Variants in DPYD observed in about 807,000 individuals in gnomAD.
The protein encoded by DPYD is dihydropyrimidine dehydrogenase.
In DPYD, 109 loss-of-function variants were observed where a neutral mutation model predicts 116.2. The ratio of observed to expected loss-of-function variants is 0.94; its 90% CI spans 0.80 to 1.10. DPYD has a LOEUF of 1.10. Ranked by LOEUF, DPYD falls within the 50% of genes least tolerant of loss-of-function variation. The pLI is 0.00. For missense variants in DPYD, 1,302 were observed against 1,254.5 expected, an observed-to-expected ratio of 1.04 and a Z score of -0.57; for synonymous variants, 440 against 432.0, an observed-to-expected ratio of 1.02 and a Z score of -0.23.
At chr1:97,226,279 TCA>T (rs1256760586) in intron 19 of DPYD, among the ~76,000 whole-genome samples, 2 of 152,120 alleles carry the variant, frequency 1.3e-5, no homozygotes, top group African/African-American at 2.4e-5. Flanking sequence ...GCAGCTAACA[TCA>T]CAGTCAATAG....
intron 13 of DPYD, among the ~76,000 whole-genome samples, chr1:97,469,397 CAA>C (rs59090402): frequency 5.9e-4 from 48 of 80,782 alleles, no homozygotes; most frequent in African/African-American, 2.5e-3. Context: ...GCTAAAATTG[CAA>C]AAAAAAAAAA....
chr1:97,489,691 T>C (rs76838278), intron 13 of DPYD, among the ~76,000 whole-genome samples: 166 of 152,334 alleles, frequency 1.1e-3, no homozygotes, highest in African/African-American at 3.7e-3. Context: ...AAAGTTTTAC[T>C]TCTGTTACAT....
At chr1:97,660,380 A>G (rs1213257665) in intron 8 of DPYD, among the ~76,000 whole-genome samples, 1 of 152,166 alleles carries the variant, frequency 6.6e-6, no homozygotes, top group Non-Finnish European at 1.5e-5. Context: ...CAATAAAACT[A>G]ATGTTCAATA....
intron 16 of DPYD, among the ~76,000 whole-genome samples, chr1:97,369,150 T>C (rs1358847233): frequency 5.9e-5 from 9 of 152,200 alleles, no homozygotes; most frequent in Non-Finnish European, 1.5e-5. Context: ...CAAAAAGGTG[T>C]CATTTTGGCT....
At chr1:97,615,949 C>T (rs1379081188) in intron 8 of DPYD, among the ~76,000 whole-genome samples, 1 of 152,048 alleles carries the variant, frequency 6.6e-6, no homozygotes, top group Non-Finnish European at 1.5e-5. Context: ...CCCTCCTTTG[C>T]CTGGCTTCCA....
intron 16 of DPYD, among the ~76,000 whole-genome samples, chr1:97,338,864 T>A (rs775063961): frequency 4.1e-4 from 62 of 152,174 alleles, no homozygotes; most frequent in Non-Finnish European, 7.8e-4. Flanking sequence ...AATTGCTACC[T>A]ATTTCATGTA....
chr1:97,393,420 T>A (rs1362150003), intron 14 of DPYD, among the ~76,000 whole-genome samples: 2 of 151,976 alleles, frequency 1.3e-5, no homozygotes, highest in Admixed American at 1.3e-4. Context: ...ATTAGGTATA[T>A]CTCCTAATGC....
chr1:97,312,366 T>C (rs1354810379), intron 16 of DPYD, among the ~76,000 whole-genome samples: 2 of 151,928 alleles, frequency 1.3e-5, no homozygotes, highest in East Asian at 3.9e-4. Flanking sequence ...GTAATATGTA[T>C]AAAAATGTAA....
intron 20 of DPYD, among the ~76,000 whole-genome samples, chr1:97,184,527 C>A (rs1206464229): frequency 3.3e-5 from 5 of 152,074 alleles, no homozygotes; most frequent in Non-Finnish European, 7.4e-5. Flanking sequence ...TGACACTGAG[C>A]TTTTTTTCAT....
At chr1:97,186,640 G>T (rs1658009667) in intron 20 of DPYD, among the ~76,000 whole-genome samples, 1 of 152,172 alleles carries the variant, frequency 6.6e-6, no homozygotes, top group African/African-American at 2.4e-5. Context: ...CTTGAGGTGA[G>T]GAGTTCGAGA....
chr1:97,355,337 C>T (rs545861144), intron 16 of DPYD, among the ~76,000 whole-genome samples: 5 of 152,034 alleles, frequency 3.3e-5, no homozygotes, highest in Admixed American at 1.3e-4. Context: ...ACAATGTATA[C>T]GTTAAAATTA....
At chr1:97,390,727 A>T (rs1394074837) in intron 14 of DPYD, among the ~76,000 whole-genome samples, 1 of 152,042 alleles carries the variant, frequency 6.6e-6, no homozygotes, top group Non-Finnish European at 1.5e-5. Context: ...TAACATTTAA[A>T]CAATATACAA....
chr1:97,758,798 C>T (rs1194475381), intron 3 of DPYD, among the ~76,000 whole-genome samples: 1 of 152,136 alleles, frequency 6.6e-6, no homozygotes, highest in Non-Finnish European at 1.5e-5. Flanking sequence ...ATTTTAGCCT[C>T]CTGCACAGGA....
intron 8 of DPYD, among the ~76,000 whole-genome samples, chr1:97,661,877 T>C (rs1049651532): frequency 6.6e-6 from 1 of 151,992 alleles, no homozygotes; most frequent in Non-Finnish European, 1.5e-5. Flanking sequence ...TTTTTAAATA[T>C]GTATATACAT....
chr1:97,136,707 T>G (rs760802500), intron 20 of DPYD, among the ~76,000 whole-genome samples: 7 of 152,266 alleles, frequency 4.6e-5, no homozygotes, highest in Non-Finnish European at 7.4e-5. Flanking sequence ...CACGAACGAA[T>G]AGTCTGAACT....
At chr1:97,376,855 AAGAG>A (rs752357938) in intron 15 of DPYD, among the ~76,000 whole-genome samples, 1 of 123,244 alleles carries the variant, frequency 8.1e-6, no homozygotes, top group African/African-American at 3.0e-5. Context: ...ACACAGTAGA[AAGAG>A]AGAGTTTGTG....
intron 8 of DPYD, among the ~76,000 whole-genome samples, chr1:97,643,608 T>G (rs1367385108): frequency 6.6e-6 from 1 of 152,150 alleles, no homozygotes. Context: ...GGATGATAAA[T>G]CATTCTACTA....
intron 3 of DPYD, among the ~76,000 whole-genome samples, chr1:97,759,476 T>C (rs1665454772): frequency 6.6e-6 from 1 of 152,152 alleles, no homozygotes; most frequent in Admixed American, 6.6e-5. Flanking sequence ...TTGATATTTC[T>C]TTTTCCTGCT....
At chr1:97,249,933 T>C (rs778537178) in intron 18 of DPYD, among the ~76,000 whole-genome samples, 3 of 152,240 alleles carry the variant, frequency 2.0e-5, no homozygotes, top group Middle Eastern at 3.4e-3. Context: ...TTGATAACAA[T>C]GTGGAACAAA....
Sources: gnomAD v4.1 joint callset for allele counts (sites outside exome capture counted in the v4.1 genomes callset) on GRCh38, gnomAD v4.1.1 for gene constraint, MANE v1.5 for transcripts, NCBI Gene and HGNC (gene_info 2026-07-23, HGNC 2026-07-21) for gene names.